Variants in SOX5 observed in about 807,000 individuals in gnomAD.
SOX5 encodes the protein transcription factor SOX-5.
In SOX5, 9 loss-of-function variants were observed where a neutral mutation model predicts 92.0. That is an observed-to-expected ratio of 0.10 (90% CI 0.06 to 0.17). SOX5 has a LOEUF of 0.17. SOX5 is among the 10% of genes least tolerant of loss of function. The pLI, the probability that SOX5 is intolerant of heterozygous loss-of-function variation, is 1.00. For synonymous variants in SOX5, 344 were observed against 336.3 expected (o/e 1.02, Z -0.25); for missense variants, 642 against 944.5 (o/e 0.68, Z 4.20).
intron 1 of SOX5, among the ~76,000 whole-genome samples, chr12:24,547,016 A>G (rs1952686737): frequency 6.6e-6 from 1 of 152,194 alleles, no homozygotes; most frequent in South Asian, 2.1e-4. Flanking sequence ...CACACGCAAC[A>G]TTTACATAGT....
chr12:23,755,621 C>T lies in SOX5; in HGVS notation c.568+17G>A. The T allele has an allele frequency of 6.5e-7, 1 of 1,549,222 alleles. No homozygotes were observed. Among genetic ancestry groups the T allele is most frequent in the Non-Finnish European group, 8.8e-7 (1 of 1,138,592 alleles). The stretch of plus-strand genomic sequence containing the variant: ...CATTTTGGTACATTTTGGATAAAAA[C>T]AATCACACCATATTACCTTTTATTT... On this transcript the variant is annotated intron_variant, in intron 4 of 14. Coordinates refer to ENST00000451604, the MANE Select transcript of SOX5 (RefSeq NM_006940.6).
intron 2 of SOX5, among the ~76,000 whole-genome samples, chr12:24,303,496 C>CA (rs200526303): frequency 4.6e-5 from 7 of 151,948 alleles, no homozygotes; most frequent in Middle Eastern, 3.4e-3. Flanking sequence ...AGTATCTAAA[C>CA]AAAAAAATAG....
chr12:23,901,453 C>T (rs1335147206), intron 1 of SOX5, among the ~76,000 whole-genome samples: 1 of 152,142 alleles, frequency 6.6e-6, no homozygotes, highest in Non-Finnish European at 1.5e-5. Context: ...TTGATTTAAG[C>T]ACTTTGTTTT....
At chr12:23,777,677 A>G (rs1012950069) in intron 3 of SOX5, among the ~76,000 whole-genome samples, 8 of 152,184 alleles carry the variant, frequency 5.3e-5, no homozygotes, top group African/African-American at 1.9e-4. Context: ...AAGCAAAAAG[A>G]TCCCTTTCAT....
chr12:24,283,742 C>T (rs1343256453), intron 2 of SOX5, among the ~76,000 whole-genome samples: 1 of 152,108 alleles, frequency 6.6e-6, no homozygotes, highest in African/African-American at 2.4e-5. Flanking sequence ...ATCTTTGTGG[C>T]TGTGTATATA....
intron 1 of SOX5, among the ~76,000 whole-genome samples, chr12:23,947,107 C>T (rs1238600582): frequency 6.6e-6 from 1 of 151,812 alleles, no homozygotes; most frequent in Admixed American, 6.6e-5. Context: ...AAAAGATGGA[C>T]AAGACTCTAC....
chr12:23,703,796 T>C (rs1468304572), intron 6 of SOX5, among the ~76,000 whole-genome samples: 2 of 151,514 alleles, frequency 1.3e-5, no homozygotes, highest in Non-Finnish European at 3.0e-5. Context: ...AAAGTTTCAG[T>C]TCCAATACTC....
intron 4 of SOX5, among the ~76,000 whole-genome samples, chr12:24,162,019 T>C (rs747933143): frequency 1.3e-5 from 2 of 152,080 alleles, no homozygotes; most frequent in Non-Finnish European, 2.9e-5. Context: ...TGGGCAATGC[T>C]GAAGACATTT....
At chr12:23,658,800 G>A (rs2082650321) in intron 7 of SOX5, among the ~76,000 whole-genome samples, 1 of 152,210 alleles carries the variant, frequency 6.6e-6, no homozygotes, top group African/African-American at 2.4e-5. Flanking sequence ...GGCTGGGGCA[G>A]GAGAATCGCT....
chr12:23,813,695 C>T (rs2095923434), intron 3 of SOX5, among the ~76,000 whole-genome samples: 1 of 152,114 alleles, frequency 6.6e-6, no homozygotes, highest in African/African-American at 2.4e-5. Flanking sequence ...CATTTTGCTA[C>T]AGAAGAAAGA....
At chr12:23,984,511 T>C (rs1024011109) in intron 4 of SOX5, among the ~76,000 whole-genome samples, 2 of 152,158 alleles carry the variant, frequency 1.3e-5, no homozygotes, top group Non-Finnish European at 2.9e-5. Flanking sequence ...CACAATTCTA[T>C]AAAAGAGAAA....
intron 3 of SOX5, among the ~76,000 whole-genome samples, chr12:23,797,325 A>G (rs182172369): frequency 1.3e-3 from 202 of 152,190 alleles, no homozygotes; most frequent in African/African-American, 4.7e-3. Flanking sequence ...GGATATACAC[A>G]GATGTATCTT....
intron 7 of SOX5, among the ~76,000 whole-genome samples, chr12:23,641,787 A>G (rs1264048115): frequency 4.6e-5 from 7 of 152,378 alleles, no homozygotes; most frequent in African/African-American, 1.4e-4. Flanking sequence ...ATAGCAAATA[A>G]CTAAAAATAA....
chr12:23,739,555 C>A (rs2093722460), intron 5 of SOX5, among the ~76,000 whole-genome samples: 1 of 152,194 alleles, frequency 6.6e-6, no homozygotes, highest in Non-Finnish European at 1.5e-5. Flanking sequence ...CATTGCACTC[C>A]TGGCCCCACT....
intron 4 of SOX5, among the ~76,000 whole-genome samples, chr12:24,183,517 T>G (rs1955716576): frequency 6.6e-6 from 1 of 152,198 alleles, no homozygotes; most frequent in Admixed American, 6.6e-5. Context: ...CTCAACTAAG[T>G]TGATGTTATT....
intron 2 of SOX5, among the ~76,000 whole-genome samples, chr12:24,283,251 G>A (rs1464358534): frequency 6.6e-6 from 1 of 152,170 alleles, no homozygotes; most frequent in Non-Finnish European, 1.5e-5. Flanking sequence ...AGGCAAACCT[G>A]GAAATCTAAA....
intron 4 of SOX5, among the ~76,000 whole-genome samples, chr12:24,203,577 C>A (rs906710954): frequency 6.6e-5 from 10 of 152,132 alleles, no homozygotes; most frequent in Non-Finnish European, 1.3e-4. Context: ...ATCTAATAAC[C>A]AGGCTTCATT....
intron 3 of SOX5, among the ~76,000 whole-genome samples, chr12:23,766,281 A>G (rs1343513373): frequency 6.6e-6 from 1 of 152,182 alleles, no homozygotes; most frequent in Non-Finnish European, 1.5e-5. Context: ...ATATAAAGTT[A>G]AATTTAAACT....
intron 4 of SOX5, among the ~76,000 whole-genome samples, chr12:23,754,590 C>CA (rs1307466462): frequency 9.9e-5 from 15 of 151,714 alleles, no homozygotes; most frequent in Non-Finnish European, 1.9e-4. Context: ...AAATGATCTG[C>CA]ATGGAAAGTG....
Sources: allele counts gnomAD v4.1 joint callset (sites outside exome capture counted in the v4.1 genomes callset), GRCh38; gene constraint gnomAD v4.1.1; transcripts MANE v1.5; gene names NCBI Gene and HGNC (gene_info 2026-07-23, HGNC 2026-07-21).